The following ADD2 variants were observed in gnomAD, a reference collection of about 807,000 sequenced individuals.
The protein encoded by ADD2 is adducin 2.
A neutral mutation model predicts 83.0 loss-of-function variants in ADD2; 23 were observed. That is an observed-to-expected ratio of 0.28 (90% confidence interval 0.20 to 0.39). ADD2 has a LOEUF of 0.39. Among genes scored for constraint, ADD2 ranks in the 10% least tolerant of loss-of-function variants. The pLI is 1.00. For synonymous variants in ADD2, 375 were observed against 375.4 expected, an observed-to-expected ratio of 1.00 and a Z score of 0.01; for missense variants, 758 against 944.9, an observed-to-expected ratio of 0.80 and a Z score of 2.59.
intron 7 of ADD2, 140 bp from the exon 8 acceptor site, chr2:70,691,069 A>G: frequency 9.6e-7 from 1 of 1,036,670 alleles, no homozygotes; most frequent in South Asian, 1.9e-5. Flanking sequence ...CAGGCACAAG[A>G]AAGGCCTGGG....
intron 1 of ADD2, among the ~76,000 whole-genome samples, chr2:70,746,037 A>G (rs190979734): frequency 2.0e-5 from 3 of 152,336 alleles, no homozygotes; most frequent in Non-Finnish European, 4.4e-5. Flanking sequence ...TTCAGAACTC[A>G]ATAATGAGCT....
chr2:70,705,426 A>C (rs571096287), intron 3 of ADD2, among the ~76,000 whole-genome samples: 1 of 151,994 alleles, frequency 6.6e-6, no homozygotes, highest in Non-Finnish European at 1.5e-5. Flanking sequence ...TCTCGAGCCC[A>C]TCCTGGCAAG....
chr2:70,767,523 G>A (rs1221413840), intron 1 of ADD2: 9 of 477,434 alleles, frequency 1.9e-5, no homozygotes, highest in Admixed American at 5.7e-5. Flanking sequence ...AGGGGAGGGA[G>A]GGGAGGGGAG....
intron 9 of ADD2, among the ~76,000 whole-genome samples, chr2:70,685,865 G>A (rs1274767954): frequency 6.6e-6 from 1 of 152,224 alleles, no homozygotes; most frequent in Non-Finnish European, 1.5e-5. Flanking sequence ...AGCAGATGGA[G>A]AAGAACTGCT....
chr2:70,694,820 T>C (rs1465068142), intron 6 of ADD2, among the ~76,000 whole-genome samples: 1 of 151,900 alleles, frequency 6.6e-6, no homozygotes, highest in Non-Finnish European at 1.5e-5. Context: ...ACTGGAACAC[T>C]CGGTAACCCT....
At chr2:70,743,790 T>C (rs1443535495) in intron 1 of ADD2, among the ~76,000 whole-genome samples, 1 of 152,036 alleles carries the variant, frequency 6.6e-6, no homozygotes, top group African/African-American at 2.4e-5. Flanking sequence ...GGTACAAAGG[T>C]CCTGTGGTAG....
chr2:70,765,912 G>A (rs1198554244), intron 1 of ADD2, among the ~76,000 whole-genome samples: 1 of 152,124 alleles, frequency 6.6e-6, no homozygotes, highest in African/African-American at 2.4e-5. Flanking sequence ...TGTGGAAGAG[G>A]TGGTAATAAA....
rs979622434 is a variant in ADD2 at position 70,767,646 on chromosome 2, A to G, written c.-154+240T>C. Reference sequence around the variant, plus strand: ...CCGGGCGAGGGTCCCACCATCCCCAAGCAGGGGCCAGTGCTTGCAGCCCCG... The same window carrying G: ...CCGGGCGAGGGTCCCACCATCCCCAGGCAGGGGCCAGTGCTTGCAGCCCCG... On this transcript the variant is annotated intron_variant, in intron 1 of 15. Transcript: ENST00000264436. The G allele has an allele frequency of 1.4e-4, 183 of 1,331,918 alleles. 1 individual carries two copies. The highest frequency in any genetic ancestry group is 5.6e-4 in the Middle Eastern group (2 of 3,568). The allele number at this position is 1,331,918 out of a possible 1,614,324, so 82.5% of individuals were successfully genotyped here.
chr2:70,746,182 T>G (rs1466524567), intron 1 of ADD2, among the ~76,000 whole-genome samples: 1 of 152,200 alleles, frequency 6.6e-6, no homozygotes, highest in African/African-American at 2.4e-5. Context: ...AAGGCCCAGC[T>G]CAAATGTCAA....
intron 9 of ADD2, 145 bp downstream of exon 9, chr2:70,687,879 T>C: frequency 1.6e-6 from 1 of 621,140 alleles, no homozygotes; most frequent in Non-Finnish European, 2.9e-6. Context: ...GATAAGATGG[T>C]GCCAAGGCAG....
At chr2:70,672,525 C>A (rs1669936544) in intron 15 of ADD2, among the ~76,000 whole-genome samples, 1 of 152,196 alleles carries the variant, frequency 6.6e-6, no homozygotes, top group Non-Finnish European at 1.5e-5. Flanking sequence ...TAAGTAGAAT[C>A]TTCAGTTTCA....
At chr2:70,689,422 C>T (rs549293416) in intron 8 of ADD2, among the ~76,000 whole-genome samples, 150 of 152,376 alleles carry the variant, frequency 9.8e-4, no homozygotes, top group Non-Finnish European at 1.8e-3. Flanking sequence ...CTAAACATCA[C>T]ATCCTCTCCT....
chr2:70,672,234 A>C (rs957339013), intron 15 of ADD2, among the ~76,000 whole-genome samples: 1 of 152,010 alleles, frequency 6.6e-6, no homozygotes, highest in Admixed American at 6.6e-5. Context: ...TGGGCCTCGA[A>C]CTCCGTTCTT....
At chr2:70,708,265 G>T (rs116624986) in intron 2 of ADD2, among the ~76,000 whole-genome samples, 249 of 152,284 alleles carry the variant, frequency 1.6e-3, no homozygotes, top group African/African-American at 5.6e-3. Context: ...AAGGGAAGGC[G>T]CATGGACAGA....
At chr2:70,756,692 C>A (rs1271410780) in intron 1 of ADD2, among the ~76,000 whole-genome samples, 1 of 152,102 alleles carries the variant, frequency 6.6e-6, no homozygotes, top group Non-Finnish European at 1.5e-5. Flanking sequence ...GGCATAGAGT[C>A]AGGTGACACG....
At chr2:70,746,310 G>A (rs551658433) in intron 1 of ADD2, among the ~76,000 whole-genome samples, 1 of 152,276 alleles carries the variant, frequency 6.6e-6, no homozygotes, top group East Asian at 1.9e-4. Context: ...CTCTCGAATA[G>A]TTCTCTTTGA....
chr2:70,704,263 T>TGCCCCCCCCCCCCCCCCCCACC, intron 4 of ADD2, 58 bp downstream of exon 4: 2 of 913,238 alleles, frequency 2.2e-6, no homozygotes, highest in Non-Finnish European at 3.4e-6. Flanking sequence ...CTCCCTCTCT[T>TGCCCCCCCCCCCCCCCCCCACC]CCCCACCCCA....
At chr2:70,702,339 A>G (rs4852225) in intron 4 of ADD2, among the ~76,000 whole-genome samples, 46,149 of 151,844 alleles carry the variant, frequency 0.3, 7,381 homozygotes, top group East Asian at 0.44. Context: ...GCTAATTTTT[A>G]TATTTTTAGT....
intron 4 of ADD2, 58 bp downstream of exon 4, chr2:70,704,263 T>TGGCCCCCCCCCCCCCCCCCCCACCCC: frequency 2.2e-6 from 2 of 913,238 alleles, no homozygotes; most frequent in Non-Finnish European, 3.4e-6. Flanking sequence ...CTCCCTCTCT[T>TGGCCCCCCCCCCCCCCCCCCCACCCC]CCCCACCCCA....
Sources: allele counts gnomAD v4.1 joint callset (sites outside exome capture counted in the v4.1 genomes callset), GRCh38; gene constraint gnomAD v4.1.1; transcripts MANE v1.5; gene names NCBI Gene and HGNC (gene_info 2026-07-23, HGNC 2026-07-21).